Variants in SERPINA12 observed in about 807,000 individuals in gnomAD.
SERPINA12 encodes serpin A12.
SERPINA12 carries 21 observed loss-of-function variants against 25.9 expected under a neutral mutation model. The observed-to-expected ratio is 0.81, with a 90% CI of 0.58 to 1.17. SERPINA12 has a LOEUF of 1.17. SERPINA12 is among the 50% of genes most tolerant of loss of function. SERPINA12 has a pLI of 0.00. For missense variants in SERPINA12, 562 were observed against 508.3 expected, an observed-to-expected ratio of 1.11 and a Z score of -1.02; for synonymous variants, 220 against 196.0, an observed-to-expected ratio of 1.12 and a Z score of -1.02.
rs760737048 is a variant in SERPINA12, at chr14:94,497,841, T to A, written c.557A>T (p.His186Leu). Reference sequence around the variant, plus strand: ...CTCGATCAGGTTGTTAATTTTCCCATGGGTTTTTTGACTGATAAAGTCATT... The same window carrying A: ...CTCGATCAGGTTGTTAATTTTCCCAAGGGTTTTTTGACTGATAAAGTCATT... ...QINDFISQKT[H>L]GKINNLIENI... The change falls in exon 2 of 5, where the codon CAT becomes CTT. Residue 186 changes from histidine to leucine, a missense_variant. By Grantham distance (99) the His-to-Leu change is moderately conservative. Transcript: ENST00000677451. The A allele has an allele frequency of 5.6e-6, 9 of 1,614,146 alleles. No individual in the cohort carries two copies. In the South Asian group the frequency reaches 9.9e-5, roughly 18 times the overall value.
chr14:94,499,374 G>A (rs2139854928), intron 1 of SERPINA12, among the ~76,000 whole-genome samples: 1 of 152,246 alleles, frequency 6.6e-6, no homozygotes, highest in South Asian at 2.1e-4. Flanking sequence ...TGAGCTTCTG[G>A]GAGACAAGAC....
At chr14:94,489,133 AAGAGAGAGAG>A in intron 4 of SERPINA12, among the ~76,000 whole-genome samples, 1 of 145,796 alleles carries the variant, frequency 6.9e-6, no homozygotes, top group Non-Finnish European at 1.5e-5. Context: ...GGAAGGAAGG[AAGAGAGAGAG>A]AGAGAGAGAA....
chr14:94,512,096 A>AAAAACAAAAC (rs370184681), upstream of SERPINA12, among the ~76,000 whole-genome samples: 10 of 149,168 alleles, frequency 6.7e-5, no homozygotes, highest in African/African-American at 1.9e-4. Context: ...ACTCCATCTC[A>AAAAACAAAAC]AAAACAAAAC....
At chr14:94,510,040 C>T, upstream of SERPINA12, 1 of 985,406 alleles carries the variant, frequency 1.0e-6, no homozygotes, top group Non-Finnish European at 1.2e-6. Context: ...CCACCCCACT[C>T]CCGAGCTCTG....
intron 3 of SERPINA12, among the ~76,000 whole-genome samples, chr14:94,491,117 T>C (rs959241713): frequency 6.6e-6 from 1 of 152,232 alleles, no homozygotes; most frequent in Non-Finnish European, 1.5e-5. Flanking sequence ...GTATACCAGG[T>C]GCTGTTCTAG....
chr14:94,510,096 T>G (rs1901070793), upstream of SERPINA12: 1 of 985,378 alleles, frequency 1.0e-6, no homozygotes, highest in Non-Finnish European at 1.2e-6. Context: ...CAGACATAGG[T>G]GACTCATAAT....
chr14:94,497,731 A>G, intron 2 of SERPINA12, 33 bp downstream of exon 2: 1 of 1,565,686 alleles, frequency 6.4e-7, no homozygotes, highest in Non-Finnish European at 8.6e-7. Flanking sequence ...TGGTCATCCT[A>G]TTCTTTCCAC....
At chr14:94,504,707 C>A (rs1030967167) in intron 1 of SERPINA12, among the ~76,000 whole-genome samples, 1 of 152,216 alleles carries the variant, frequency 6.6e-6, no homozygotes, top group Admixed American at 6.5e-5. Flanking sequence ...AGTTCATGAT[C>A]ATGGAAATTA....
chr14:94,499,500 G>A (rs17825787), intron 1 of SERPINA12, among the ~76,000 whole-genome samples: 4,771 of 152,322 alleles, frequency 0.031, 141 homozygotes, highest in Admixed American at 0.079. Flanking sequence ...GTCAGTGATG[G>A]TCACACCCAT....
At position 94,496,359 on chromosome 14, in the gene SERPINA12, G is replaced by A. The variant is rs1900416877; in HGVS notation, c.905+14C>T. ...GAGAAGGAAAAAGCTGCGAGGGCTA[G>A]GCACCCACTTTACCTGCGTGACAGT... On this transcript the variant is annotated intron_variant, in intron 3 of 4. Transcript: ENST00000677451. 2 of 1,613,938 alleles carry A rather than the reference G, an allele frequency of 1.2e-6. No homozygotes were observed. The highest frequency in any genetic ancestry group is 2.7e-5 in the African/African-American group (2 of 74,920).
chr14:94,489,227 AAG>A (rs950292202), intron 4 of SERPINA12, among the ~76,000 whole-genome samples: 3 of 151,678 alleles, frequency 2.0e-5, no homozygotes, highest in African/African-American at 7.3e-5. Flanking sequence ...GAGAGAGAGA[AAG>A]AGGAAAGAAA....
In SERPINA12 at chr14:94,509,328, C is replaced by T. The variant is rs1452019155; in HGVS notation, c.-34+14G>A. Among the ~76,000 whole-genome samples, 1 of 99,898 alleles carries T rather than the reference C, an allele frequency of 1.0e-5. No individual in the cohort carries two copies. Among genetic ancestry groups the T allele is most frequent in the South Asian group, 3.3e-4 (1 of 3,032 alleles). The allele number at this position is 99,898 out of a possible 152,430, so 65.5% of individuals were successfully genotyped here. On this transcript the variant is annotated intron_variant, in intron 1 of 4. Transcript: ENST00000677451. ...CACACACACACACACACACACACTG[C>T]CCCTTGGACTAACCTCACCTCCCCA...
upstream of SERPINA12, chr14:94,509,955 C>T (rs1196252327): frequency 1.0e-6 from 1 of 985,018 alleles, no homozygotes; most frequent in Non-Finnish European, 1.2e-6. Context: ...TACCAGCCGC[C>T]TGGCACAGAT....
At chr14:94,497,652 T>C (rs887908371) in intron 2 of SERPINA12, 112 bp downstream of exon 2, 12 of 976,516 alleles carry the variant, frequency 1.2e-5, no homozygotes, top group Admixed American at 2.6e-5. Flanking sequence ...TTTTGAGAGA[T>C]AAATCACATA....
intron 1 of SERPINA12, among the ~76,000 whole-genome samples, chr14:94,505,974 A>G (rs867066257): frequency 2.0e-5 from 3 of 152,170 alleles, no homozygotes; most frequent in Admixed American, 6.5e-5. Flanking sequence ...TGTGGAGAGC[A>G]GTGAAGGATA....
At chr14:94,495,164 G>A (rs1312704798) in intron 3 of SERPINA12, among the ~76,000 whole-genome samples, 3 of 141,684 alleles carry the variant, frequency 2.1e-5, no homozygotes, top group Non-Finnish European at 4.5e-5. Context: ...CGCCTCCCGG[G>A]TTCATGCCAT....
chr14:94,502,976 C>T (rs1380018133), intron 1 of SERPINA12, among the ~76,000 whole-genome samples: 1 of 152,142 alleles, frequency 6.6e-6, no homozygotes, highest in Admixed American at 6.5e-5. Context: ...TGGGTAAACC[C>T]GGTGCCCTTC....
At chr14:94,512,422 C>A (rs1208114733), upstream of SERPINA12, among the ~76,000 whole-genome samples, 2 of 152,104 alleles carry the variant, frequency 1.3e-5, no homozygotes, top group East Asian at 3.8e-4. Flanking sequence ...AATGCAAAGG[C>A]CCATGTGGAG....
chr14:94,506,050 G>A (rs1271284490), intron 1 of SERPINA12, among the ~76,000 whole-genome samples: 1 of 152,234 alleles, frequency 6.6e-6, no homozygotes, highest in Non-Finnish European at 1.5e-5. Flanking sequence ...ACTTGAGGCT[G>A]CCCCGACTGC....
Sources: allele counts gnomAD v4.1 joint callset (sites outside exome capture counted in the v4.1 genomes callset), GRCh38; gene constraint gnomAD v4.1.1; transcripts MANE v1.5; gene names NCBI Gene and HGNC (gene_info 2026-07-23, HGNC 2026-07-21).